GRM7: variants seen among roughly 807,000 people sequenced by gnomAD.
The protein encoded by GRM7 is metabotropic glutamate receptor 7.
Under a neutral mutation model 84.5 loss-of-function variants are expected in GRM7, and 35 were observed. The ratio of observed to expected loss-of-function variants is 0.41; its 90% CI spans 0.32 to 0.55. The LOEUF is 0.55. Among genes scored for constraint, GRM7 ranks in the 20% least tolerant of loss-of-function variants. The pLI is 0.19. For missense variants in GRM7, 1,003 were observed against 1,194.6 expected (o/e 0.84, Z 2.36); for synonymous variants, 487 against 455.1 (o/e 1.07, Z -0.89).
chr3:7,704,353 AG>A (rs1701318832), intron 9 of GRM7, among the ~76,000 whole-genome samples: 1 of 152,208 alleles, frequency 6.6e-6, no homozygotes, highest in Non-Finnish European at 1.5e-5. Context: ...TTCCTGGTCA[AG>A]ACTTTTTGAT....
chr3:7,048,914 C>T (rs184631046), intron 1 of GRM7, among the ~76,000 whole-genome samples: 1 of 152,042 alleles, frequency 6.6e-6, no homozygotes, highest in Non-Finnish European at 1.5e-5. Flanking sequence ...AATTCTGCTT[C>T]TATTTTCCTG....
chr3:7,125,814 T>C (rs771278997), intron 1 of GRM7, among the ~76,000 whole-genome samples: 7 of 152,200 alleles, frequency 4.6e-5, no homozygotes, highest in Non-Finnish European at 8.8e-5. Context: ...CATTTTCTGA[T>C]GTAGTTGCTG....
At chr3:6,878,473 T>C (rs1328782673) in intron 1 of GRM7, among the ~76,000 whole-genome samples, 1 of 151,556 alleles carries the variant, frequency 6.6e-6, no homozygotes, top group African/African-American at 2.4e-5. Flanking sequence ...TTTAGGGACA[T>C]CTAGTTTAAT....
rs115653522 is a variant in GRM7 at position 6,919,189 on chromosome 3, T to G, written c.519+57282T>G. On this transcript the variant is annotated intron_variant, in intron 1 of 9. Coordinates refer to ENST00000357716, the MANE Select transcript of GRM7 (RefSeq NM_000844.4). The stretch of plus-strand genomic sequence containing the variant: ...AAAGGAAATCTTAAAATAAATGTAT[T>G]TTATTTTATTATTTTATTTTATTTT... Among the ~76,000 whole-genome samples the G allele has an allele frequency of 4.4e-3, 669 of 151,930 alleles. 4 individuals are homozygous for G. The highest frequency in any genetic ancestry group is 0.015 in the African/African-American group (639 of 41,452).
At chr3:7,504,732 AATTT>A (rs1017857795) in intron 7 of GRM7, among the ~76,000 whole-genome samples, 3 of 152,334 alleles carry the variant, frequency 2.0e-5, no homozygotes, top group Admixed American at 2.0e-4. Context: ...TTAATTCATT[AATTT>A]ATTCATTCAT....
At chr3:7,241,986 G>T (rs931136356) in intron 2 of GRM7, among the ~76,000 whole-genome samples, 7 of 152,078 alleles carry the variant, frequency 4.6e-5, no homozygotes, top group Non-Finnish European at 1.0e-4. Flanking sequence ...TTTTACCTTA[G>T]TACTTCTTTT....
At chr3:7,182,213 T>C in intron 2 of GRM7, among the ~76,000 whole-genome samples, 1 of 152,184 alleles carries the variant, frequency 6.6e-6, no homozygotes, top group East Asian at 1.9e-4. Flanking sequence ...CAGAATTTAC[T>C]GATAATGCAA....
chr3:7,292,625 T>A (rs547281694), intron 2 of GRM7, among the ~76,000 whole-genome samples: 2 of 152,172 alleles, frequency 1.3e-5, no homozygotes, highest in African/African-American at 4.8e-5. Context: ...ATTATCTCTG[T>A]GAAACTCTTT....
chr3:7,665,055 T>A (rs1329042837), intron 8 of GRM7, among the ~76,000 whole-genome samples: 1 of 152,176 alleles, frequency 6.6e-6, no homozygotes, highest in African/African-American at 2.4e-5. Context: ...CTGGGTGTGT[T>A]TGCACTATTG....
At chr3:6,869,436 T>C (rs1015440879) in intron 1 of GRM7, among the ~76,000 whole-genome samples, 4 of 152,242 alleles carry the variant, frequency 2.6e-5, no homozygotes, top group African/African-American at 9.6e-5. Context: ...ACATTAAGTG[T>C]CAATATTGCT....
At chr3:7,437,482 C>A (rs1697105275) in intron 5 of GRM7, among the ~76,000 whole-genome samples, 1 of 152,116 alleles carries the variant, frequency 6.6e-6, no homozygotes, top group African/African-American at 2.4e-5. Flanking sequence ...CACCACATGC[C>A]TCAGTTTTTT....
At chr3:7,303,933 C>CT (rs143912265) in intron 3 of GRM7, among the ~76,000 whole-genome samples, 69,591 of 146,208 alleles carry the variant, frequency 0.48, 17,830 homozygotes, top group Non-Finnish European at 0.6. Flanking sequence ...CCTGTAGCTT[C>CT]TTTTTTTTTT....
chr3:7,199,501 A>G (rs781746942), intron 2 of GRM7, among the ~76,000 whole-genome samples: 6 of 152,254 alleles, frequency 3.9e-5, no homozygotes, highest in Non-Finnish European at 8.8e-5. Flanking sequence ...CTATGCAGCA[A>G]TCAATCACTG....
intron 2 of GRM7, among the ~76,000 whole-genome samples, chr3:7,231,218 T>G (rs1164832958): frequency 1.3e-5 from 2 of 152,180 alleles, no homozygotes; most frequent in Non-Finnish European, 2.9e-5. Flanking sequence ...TTGTGATTCC[T>G]GGACTTCAAT....
intron 1 of GRM7, among the ~76,000 whole-genome samples, chr3:6,910,683 C>G (rs1017741378): frequency 6.6e-6 from 1 of 152,004 alleles, no homozygotes; most frequent in African/African-American, 2.4e-5. Flanking sequence ...GCCAGAAATT[C>G]GAGAATGTTC....
rs145888591 is a variant in GRM7 at position 7,130,319 on chromosome 3, G to A, written c.520-16133G>A. On this transcript the variant is annotated intron_variant, in intron 1 of 9. Transcript: ENST00000357716. ...AGCACTTTGGGAGACCGAGGTGGGCGAATCACGAAGTTAGGAGTTTGAGAC... is the reference window on the plus strand; with the variant it reads ...AGCACTTTGGGAGACCGAGGTGGGCAAATCACGAAGTTAGGAGTTTGAGAC... Among the ~76,000 whole-genome samples the A allele has an allele frequency of 5.6e-3, 856 of 152,132 alleles. 10 individuals are homozygous for A. The highest frequency in any genetic ancestry group is 0.019 in the African/African-American group (806 of 41,498).
intron 1 of GRM7, among the ~76,000 whole-genome samples, chr3:6,876,195 G>C (rs1425687189): frequency 6.6e-6 from 1 of 151,828 alleles, no homozygotes; most frequent in Non-Finnish European, 1.5e-5. Context: ...TTGAACCCGG[G>C]AGGCAGCGGT....
intron 4 of GRM7, among the ~76,000 whole-genome samples, chr3:7,414,729 G>T (rs954843664): frequency 2.6e-5 from 4 of 152,112 alleles, no homozygotes; most frequent in Non-Finnish European, 4.4e-5. Flanking sequence ...GATGCAGAAT[G>T]TGGCATAATG....
At chr3:6,984,021 A>T (rs975264540) in intron 1 of GRM7, among the ~76,000 whole-genome samples, 2 of 152,192 alleles carry the variant, frequency 1.3e-5, no homozygotes, top group African/African-American at 4.8e-5. Flanking sequence ...GGACATTGAC[A>T]GGGGACCACT....
Sources: gnomAD v4.1 joint callset for allele counts (sites outside exome capture counted in the v4.1 genomes callset) on GRCh38, gnomAD v4.1.1 for gene constraint, MANE v1.5 for transcripts, NCBI Gene and HGNC (gene_info 2026-07-23, HGNC 2026-07-21) for gene names.